DNAAF11: variants seen among roughly 807,000 people sequenced by gnomAD.
DNAAF11 encodes the protein dynein axonemal assembly factor 11.
In DNAAF11, 45 loss-of-function variants were observed where a neutral mutation model predicts 60.8. That is an observed-to-expected ratio of 0.74 (90% CI 0.58 to 0.95). DNAAF11 has a LOEUF of 0.95. DNAAF11 is among the 40% of genes least tolerant of loss of function. DNAAF11 has a pLI of 0.00. For missense variants in DNAAF11, 546 were observed against 546.2 expected, an observed-to-expected ratio of 1.00 and a Z score of 0.00; for synonymous variants, 191 against 183.5, an observed-to-expected ratio of 1.04 and a Z score of -0.33.
In DNAAF11 at chr8:132,588,171, T is replaced by C. The variant is rs528343790; in HGVS notation, c.1141-4392A>G. ...AATAATTTCTTATGGTTCAACTTAA[T>C]ATTTAAGTGAATTTAAATAAAAATG... On this transcript the variant is annotated intron_variant, in intron 10 of 11. Coordinates refer to ENST00000620350, the MANE Select transcript of DNAAF11 (RefSeq NM_012472.6). Among the ~76,000 whole-genome samples the C allele has an allele frequency of 7.9e-5, 12 of 152,350 alleles. 1 individual carries two copies. In the South Asian group the frequency reaches 2.5e-3, roughly 32 times the overall value.
intron 1 of DNAAF11, among the ~76,000 whole-genome samples, chr8:132,662,368 C>A (rs763742294): frequency 3.3e-5 from 5 of 152,130 alleles, no homozygotes; most frequent in Admixed American, 3.3e-4. Flanking sequence ...GGTCCACAGT[C>A]AGAGCCAAGC....
At chr8:132,603,956 T>C (rs1012538081) in intron 10 of DNAAF11, among the ~76,000 whole-genome samples, 15 of 152,080 alleles carry the variant, frequency 9.9e-5, no homozygotes, top group African/African-American at 3.6e-4. Context: ...TTCATAGAAT[T>C]AGGAAGGAAG....
At chr8:132,574,504 T>C (rs1334318585) in intron 11 of DNAAF11, among the ~76,000 whole-genome samples, 1 of 149,254 alleles carries the variant, frequency 6.7e-6, no homozygotes, top group Non-Finnish European at 1.5e-5. Context: ...GGACATTTCA[T>C]ATGTGTTGTT....
intron 3 of DNAAF11, among the ~76,000 whole-genome samples, chr8:132,647,896 C>A (rs1822566809): frequency 6.6e-6 from 1 of 152,110 alleles, no homozygotes; most frequent in Admixed American, 6.5e-5. Flanking sequence ...AAGTCCAGGA[C>A]CAGATGGATT....
chr8:132,586,302 T>C (rs1815884374), intron 10 of DNAAF11, among the ~76,000 whole-genome samples: 1 of 152,204 alleles, frequency 6.6e-6, no homozygotes, highest in African/African-American at 2.4e-5. Flanking sequence ...CTGGTGGAAA[T>C]GCTCTGTGCT....
At chr8:132,690,327 A>T in the DNAAF11 span, among the ~76,000 whole-genome samples, 1 of 152,004 alleles carries the variant, frequency 6.6e-6, no homozygotes, top group Non-Finnish European at 1.5e-5. Flanking sequence ...TTCTCATGAG[A>T]TCTGATGGTT....
rs544625223 is a variant in DNAAF11 at position 132,612,864 on chromosome 8, T to C, written c.975-1501A>G. 4.6e-5 allele frequency among the ~76,000 whole-genome samples: 7 copies of C among 152,274 alleles called. No individual in the cohort carries two copies. In the South Asian group the frequency reaches 1.0e-3, roughly 23 times the overall value. ...ATGGGAATGAAAGAGTTTTACTACA[T>C]AGACTGGAGAAATATTACCACCCCT... On this transcript the variant is annotated intron_variant, in intron 8 of 11. Transcript: ENST00000620350.
At chr8:132,669,110 C>T (rs1396669291) in intron 1 of DNAAF11, among the ~76,000 whole-genome samples, 1 of 152,176 alleles carries the variant, frequency 6.6e-6, no homozygotes, top group African/African-American at 2.4e-5. Context: ...TTAGACATAT[C>T]ACAGCCCAAC....
intron 3 of DNAAF11, among the ~76,000 whole-genome samples, chr8:132,646,580 T>A (rs1481840250): frequency 6.6e-6 from 1 of 152,182 alleles, no homozygotes; most frequent in Admixed American, 6.5e-5. Flanking sequence ...GTGTGCTGTA[T>A]TCAGGAGACC....
intron 3 of DNAAF11, among the ~76,000 whole-genome samples, chr8:132,644,984 G>C (rs979652433): frequency 7.9e-5 from 12 of 152,156 alleles, no homozygotes; most frequent in Non-Finnish European, 1.5e-4. Context: ...GAAGAGAGTA[G>C]TGGTCCTCCC....
At chr8:132,601,761 G>A (rs1187062862) in intron 10 of DNAAF11, among the ~76,000 whole-genome samples, 4 of 151,998 alleles carry the variant, frequency 2.6e-5, no homozygotes, top group Non-Finnish European at 4.4e-5. Flanking sequence ...ATCACATACC[G>A]GGGCCTGTCA....
At chr8:132,698,921 A>AATATATATATGTATACATATATAT in the DNAAF11 span, among the ~76,000 whole-genome samples, 1 of 143,170 alleles carries the variant, frequency 7.0e-6, no homozygotes, top group Non-Finnish European at 1.5e-5. Context: ...TTCTACTTAA[A>AATATATATATGTATACATATATAT]ATATATATAT....
rs1342400153 is a variant in DNAAF11 at position 132,625,376 on chromosome 8, T to C, written c.732A>G (p.Glu244=). The C allele has an allele frequency of 3.7e-6, 6 of 1,613,604 alleles. No homozygotes were observed. The highest frequency in any genetic ancestry group is 4.5e-5 in the East Asian group (2 of 44,850). Residue 244 remains glutamate (E), a synonymous_variant, in exon 6 of 12, where the codon GAA becomes GAG. Transcript: ENST00000620350. ...EHNTKKLDNS[E]DDLEFWNKPC... ...GCTTATTCCAGAATTCCAAGTCATC[T>C]TCACTGTTGTCTAATTTCTTTGTGT... is the stretch of plus-strand genomic sequence containing the variant.
chr8:132,688,930 T>C, the DNAAF11 span, among the ~76,000 whole-genome samples: 6 of 152,218 alleles, frequency 3.9e-5, no homozygotes, highest in Non-Finnish European at 7.3e-5. Flanking sequence ...TTCTAATTCA[T>C]GTAAGGAAAC....
the DNAAF11 span, among the ~76,000 whole-genome samples, chr8:132,697,776 G>A: frequency 6.6e-6 from 1 of 152,048 alleles, no homozygotes; most frequent in Admixed American, 6.6e-5. Context: ...AAGAAATGAG[G>A]AGTTAGTATT....
In DNAAF11 at chr8:132,602,467, C is replaced by T. The variant is rs567883107; in HGVS notation, c.1140+7699G>A. ...AGAGAACTCTCTATTGGCCGCCTTC[C>T]CTTCCAGCATTCCCATACTTCCCAA... On this transcript the variant is annotated intron_variant, in intron 10 of 11. Transcript: ENST00000620350. Among the ~76,000 whole-genome samples the T allele has an allele frequency of 3.9e-5, 6 of 152,198 alleles. No individual in the cohort carries two copies. The South Asian group carries it at 6.2e-4, about 16-fold the overall frequency.
intron 1 of DNAAF11, among the ~76,000 whole-genome samples, chr8:132,669,243 G>C (rs1349987616): frequency 6.6e-6 from 1 of 152,204 alleles, no homozygotes; most frequent in Admixed American, 6.5e-5. Flanking sequence ...TGGAAGAGTT[G>C]ATACCAGAAG....
chr8:132,610,016 G>GT (rs1456492071), intron 10 of DNAAF11, 150 bp downstream of exon 10: 2 of 585,824 alleles, frequency 3.4e-6, no homozygotes, highest in Admixed American at 6.0e-5. Flanking sequence ...CTCACAGACC[G>GT]TTGTTCTCCT....
In DNAAF11 at chr8:132,631,433, A is replaced by T. The variant is rs550946616; in HGVS notation, c.653+1307T>A. 9.5e-4 allele frequency among the ~76,000 whole-genome samples: 144 copies of T among 152,366 alleles called. 1 individual carries two copies. The highest frequency in any genetic ancestry group is 3.7e-3 in the Admixed American group (56 of 15,312). On this transcript the variant is annotated intron_variant, in intron 5 of 11. Coordinates refer to ENST00000620350, the MANE Select transcript of DNAAF11 (RefSeq NM_012472.6). Reference sequence around the variant, plus strand: ...TCCAACAGGATATTATTCTATACTTACAATGAATTAGTTTTGCATGTCTTC... The same window carrying T: ...TCCAACAGGATATTATTCTATACTTTCAATGAATTAGTTTTGCATGTCTTC...
Sources: allele counts gnomAD v4.1 joint callset (sites outside exome capture counted in the v4.1 genomes callset), GRCh38; gene constraint gnomAD v4.1.1; transcripts MANE v1.5; gene names NCBI Gene and HGNC (gene_info 2026-07-23, HGNC 2026-07-21).